The following ETV6 variants were observed in gnomAD, a reference collection of about 807,000 sequenced individuals.
The protein encoded by ETV6 is transcription factor ETV6.
A neutral mutation model predicts 51.1 loss-of-function variants in ETV6; 16 were observed. That is an observed-to-expected ratio of 0.31 (90% CI 0.21 to 0.48). The LOEUF is 0.48. Ranked by LOEUF, ETV6 falls within the 20% of genes least tolerant of loss-of-function variation. ETV6 has a pLI of 0.99. For synonymous variants in ETV6, 240 were observed against 224.1 expected, an observed-to-expected ratio of 1.07 and a Z score of -0.64; for missense variants, 458 against 594.8, an observed-to-expected ratio of 0.77 and a Z score of 2.39.
At position 11,678,229 on chromosome 12, in the gene ETV6, C is replaced by T. The variant is rs529538598; in HGVS notation, c.33+28069C>T. On this transcript the variant is annotated intron_variant, in intron 1 of 7. Coordinates refer to ENST00000396373, the MANE Select transcript of ETV6 (RefSeq NM_001987.5). ...TGAGGCCCTGGAGATCAGAGCAAAT[C>T]TCGGCAATATCACGCTCCAATTTGA... Among the ~76,000 whole-genome samples, 3 of 152,294 alleles carry T rather than the reference C, an allele frequency of 2.0e-5. No homozygotes were observed. In the South Asian group the frequency reaches 6.2e-4, roughly 32 times the overall value.
At chr12:11,654,117 T>C (rs1373922686) in intron 1 of ETV6, among the ~76,000 whole-genome samples, 1 of 152,164 alleles carries the variant, frequency 6.6e-6, no homozygotes, top group Non-Finnish European at 1.5e-5. Flanking sequence ...TCCAGCGTAA[T>C]GTTTTATTAT....
intron 2 of ETV6, among the ~76,000 whole-genome samples, chr12:11,837,122 A>T (rs1380452726): frequency 1.3e-5 from 2 of 152,254 alleles, no homozygotes; most frequent in Non-Finnish European, 2.9e-5. Context: ...TTTCAAGGTC[A>T]TTGGAGAGAG....
chr12:11,876,857 C>T (rs955330642), intron 5 of ETV6, among the ~76,000 whole-genome samples: 1 of 152,218 alleles, frequency 6.6e-6, no homozygotes, highest in African/African-American at 2.4e-5. Flanking sequence ...AGAATTTCCT[C>T]TCAGCTCAAG....
At chr12:11,677,730 G>A (rs1864447820) in intron 1 of ETV6, among the ~76,000 whole-genome samples, 2 of 152,290 alleles carry the variant, frequency 1.3e-5, no homozygotes, top group South Asian at 4.1e-4. Flanking sequence ...TATAACTTTG[G>A]CGGACAAATT....
chr12:11,845,824 C>T (rs1252796929), intron 3 of ETV6, among the ~76,000 whole-genome samples: 2 of 152,020 alleles, frequency 1.3e-5, no homozygotes, highest in Non-Finnish European at 2.9e-5. Flanking sequence ...AACCTCATCT[C>T]TACCAAAAAT....
intron 1 of ETV6, among the ~76,000 whole-genome samples, chr12:11,708,100 A>C (rs1865106423): frequency 6.6e-6 from 1 of 152,196 alleles, no homozygotes; most frequent in African/African-American, 2.4e-5. Context: ...CGAAAGCTGT[A>C]CATTTCCTTC....
intron 2 of ETV6, among the ~76,000 whole-genome samples, chr12:11,778,052 C>A (rs547861682): frequency 6.6e-6 from 1 of 152,234 alleles, no homozygotes; most frequent in Admixed American, 6.5e-5. Context: ...ACCTACGTGA[C>A]CTGGAACTTC....
At chr12:11,828,197 T>G (rs1054385650) in intron 2 of ETV6, among the ~76,000 whole-genome samples, 5 of 152,216 alleles carry the variant, frequency 3.3e-5, no homozygotes, top group African/African-American at 1.2e-4. Context: ...AAACTCATCC[T>G]TGTATAGTAT....
chr12:11,855,720 C>T (rs1946624121), intron 4 of ETV6, among the ~76,000 whole-genome samples: 1 of 152,180 alleles, frequency 6.6e-6, no homozygotes, highest in South Asian at 2.1e-4. Context: ...TGATGGAGAA[C>T]GAACAGCATT....
intron 1 of ETV6, among the ~76,000 whole-genome samples, chr12:11,671,863 T>C (rs1864322892): frequency 6.6e-6 from 1 of 152,180 alleles, no homozygotes; most frequent in South Asian, 2.1e-4. Context: ...CAAAATAATC[T>C]TATTCGTGTG....
chr12:11,885,552 G>A (rs1591750191), intron 6 of ETV6, among the ~76,000 whole-genome samples: 1 of 152,244 alleles, frequency 6.6e-6, no homozygotes, highest in Admixed American at 6.5e-5. Flanking sequence ...TGCTGTGTGG[G>A]TCAGAAGGTG....
rs1456598230 is a variant in ETV6 at position 11,739,735 on chromosome 12, G to T, written c.34-12715G>T. 4.6e-5 allele frequency among the ~76,000 whole-genome samples: 7 copies of T among 152,198 alleles called. No homozygotes were observed. In the South Asian group the frequency reaches 6.2e-4, roughly 14 times the overall value. On this transcript the variant is annotated intron_variant, in intron 1 of 7. Transcript: ENST00000396373. Reference sequence around the variant, plus strand: ...GAATATTTTGGCCACATTGAGTTAGGTGTCCTATGTTATTTAGATGCATTT... The same window carrying T: ...GAATATTTTGGCCACATTGAGTTAGTTGTCCTATGTTATTTAGATGCATTT...
chr12:11,888,669 C>G (rs972846208), intron 7 of ETV6, among the ~76,000 whole-genome samples: 1 of 152,054 alleles, frequency 6.6e-6, no homozygotes, highest in Non-Finnish European at 1.5e-5. Flanking sequence ...TCCCAAAGTG[C>G]TTGAATTACA....
At chr12:11,684,827 A>G (rs1864596889) in intron 1 of ETV6, among the ~76,000 whole-genome samples, 1 of 152,250 alleles carries the variant, frequency 6.6e-6, no homozygotes, top group Admixed American at 6.5e-5. Flanking sequence ...CAACCCATAA[A>G]AGTAAAGCCT....
intron 1 of ETV6, among the ~76,000 whole-genome samples, chr12:11,723,660 TTATC>T (rs1421027227): frequency 6.6e-6 from 1 of 151,784 alleles, no homozygotes; most frequent in African/African-American, 2.4e-5. Context: ...CAAACAGGGT[TTATC>T]TATCAGGGTT....
At chr12:11,727,141 A>G (rs1865505578) in intron 1 of ETV6, among the ~76,000 whole-genome samples, 1 of 152,220 alleles carries the variant, frequency 6.6e-6, no homozygotes. Context: ...CAGCATGCAG[A>G]GGACTTGCCT....
intron 1 of ETV6, among the ~76,000 whole-genome samples, chr12:11,651,889 C>T (rs189266359): frequency 3.9e-5 from 6 of 152,310 alleles, no homozygotes; most frequent in African/African-American, 1.2e-4. Context: ...CTCTTCTATA[C>T]TGCATCCCCA....
intron 4 of ETV6, among the ~76,000 whole-genome samples, chr12:11,859,421 A>G (rs963645401): frequency 2.6e-5 from 4 of 152,042 alleles, no homozygotes; most frequent in African/African-American, 4.8e-5. Flanking sequence ...GATTACAAGC[A>G]TGAGCCACCA....
rs1945763370 is a variant in ETV6, at chr12:11,802,338, TA to T, written c.164-36801del. 2.6e-5 allele frequency among the ~76,000 whole-genome samples: 4 copies of T among 152,328 alleles called. No homozygotes were observed. In the South Asian group the frequency reaches 8.3e-4, roughly 32 times the overall value. On this transcript the variant is annotated intron_variant, in intron 2 of 7. Transcript: ENST00000396373. ...AGCCCTCATGGTTAAATGGACTGCT[TA>T]GATTTATAACGAGAATGGTACCTGC...
Sources: allele counts gnomAD v4.1 joint callset (sites outside exome capture counted in the v4.1 genomes callset), GRCh38; gene constraint gnomAD v4.1.1; transcripts MANE v1.5; gene names NCBI Gene and HGNC (gene_info 2026-07-23, HGNC 2026-07-21).